The following GRM8 variants were observed in gnomAD, a reference collection of about 807,000 sequenced individuals.
GRM8 encodes the protein glutamate metabotropic receptor 8.
In GRM8, 47 loss-of-function variants were observed where a neutral mutation model predicts 87.2. That is an observed-to-expected ratio of 0.54 (90% CI 0.43 to 0.69). The LOEUF is 0.69. Ranked by LOEUF, GRM8 falls within the 30% of genes least tolerant of loss-of-function variation. The pLI is 0.00. For missense variants in GRM8, 1,019 were observed against 1,139.2 expected, an observed-to-expected ratio of 0.89 and a Z score of 1.52; for synonymous variants, 396 against 404.5, an observed-to-expected ratio of 0.98 and a Z score of 0.25.
chr7:126,877,106 T>A (rs1799588283), intron 6 of GRM8, among the ~76,000 whole-genome samples: 1 of 152,222 alleles, frequency 6.6e-6, no homozygotes, highest in South Asian at 2.1e-4. Context: ...CCCATTGGCT[T>A]CTAACTAACA....
At chr7:127,094,323 A>T (rs1824438518) in intron 3 of GRM8, among the ~76,000 whole-genome samples, 1 of 152,170 alleles carries the variant, frequency 6.6e-6, no homozygotes, top group South Asian at 2.1e-4. Flanking sequence ...ATGACTTGGG[A>T]GGCATGCAGA....
chr7:126,724,423 G>C (rs1563126777), intron 7 of GRM8, among the ~76,000 whole-genome samples: 1 of 152,134 alleles, frequency 6.6e-6, no homozygotes. Flanking sequence ...CTAGAGGATG[G>C]CCAAGTCACT....
intron 2 of GRM8, among the ~76,000 whole-genome samples, chr7:127,234,949 A>C (rs1563598950): frequency 6.6e-6 from 1 of 152,234 alleles, no homozygotes; most frequent in Non-Finnish European, 1.5e-5. Flanking sequence ...AGTGAAGTCC[A>C]TAAAATTTAA....
At chr7:127,223,443 GCACACACACA>G (rs61674303) in intron 2 of GRM8, among the ~76,000 whole-genome samples, 14,920 of 143,976 alleles carry the variant, frequency 0.1, 1,283 homozygotes, top group African/African-American at 0.23. Context: ...ACACACACAC[GCACACACACA>G]CACACACACA....
intron 3 of GRM8, among the ~76,000 whole-genome samples, chr7:126,941,619 CAAAA>C (rs548231122): frequency 9.3e-6 from 1 of 108,026 alleles, no homozygotes; most frequent in Admixed American, 9.7e-5. Context: ...GACTCTGTCT[CAAAA>C]AAAAAAAAAA....
intron 2 of GRM8, among the ~76,000 whole-genome samples, chr7:127,235,441 C>A (rs1190391566): frequency 6.6e-6 from 1 of 152,134 alleles, no homozygotes; most frequent in Non-Finnish European, 1.5e-5. Context: ...TCATCTGGCC[C>A]CTTTGTTGGT....
chr7:126,587,682 T>TGGGAG (rs1796277775), intron 8 of GRM8, among the ~76,000 whole-genome samples: 1 of 75,968 alleles, frequency 1.3e-5, no homozygotes, highest in African/African-American at 5.2e-5. Context: ...TGTCATGGGA[T>TGGGAG]GGGCGGGGGG....
At chr7:126,725,174 T>G (rs1156560237) in intron 7 of GRM8, among the ~76,000 whole-genome samples, 1 of 152,216 alleles carries the variant, frequency 6.6e-6, no homozygotes, top group Non-Finnish European at 1.5e-5. Flanking sequence ...CTAAGGGTAG[T>G]TTTATTATAC....
intron 3 of GRM8, among the ~76,000 whole-genome samples, chr7:126,945,512 C>T (rs1449350870): frequency 6.6e-6 from 1 of 152,000 alleles, no homozygotes. Flanking sequence ...AGTCAAAACA[C>T]AGTCGAAACT....
At chr7:126,841,910 G>A (rs879655454) in intron 6 of GRM8, among the ~76,000 whole-genome samples, 4 of 152,064 alleles carry the variant, frequency 2.6e-5, no homozygotes, top group African/African-American at 7.2e-5. Context: ...GGGATTACAG[G>A]CGTGAGCCAC....
At chr7:127,240,168 C>A (rs577997424) in intron 2 of GRM8, among the ~76,000 whole-genome samples, 14 of 152,184 alleles carry the variant, frequency 9.2e-5, no homozygotes, top group Non-Finnish European at 2.1e-4. Flanking sequence ...TGGGGTCCCT[C>A]CAGAATTACC....
At chr7:126,706,072 G>A (rs1810479352) in intron 7 of GRM8, among the ~76,000 whole-genome samples, 1 of 152,078 alleles carries the variant, frequency 6.6e-6, no homozygotes, top group African/African-American at 2.4e-5. Context: ...TAATTTTAAT[G>A]TCATGGAAAA....
rs1792483535 is a variant in GRM8, at chr7:126,550,573, CTCTT to C, written c.1495-16690_1495-16687del. ...CAACCACTTAGAAATTAAACAATAA[CTCTT>C]TCCAATTAGTCAGGTCAAAAGTGCA... On this transcript the variant is annotated intron_variant, in intron 8 of 10. Transcript: ENST00000339582. Among the ~76,000 whole-genome samples the C allele has an allele frequency of 2.0e-5, 3 of 151,990 alleles. No homozygotes were observed. In the South Asian group the frequency reaches 6.2e-4, roughly 32 times the overall value.
intron 8 of GRM8, among the ~76,000 whole-genome samples, chr7:126,543,434 T>G (rs1318072403): frequency 6.6e-6 from 1 of 152,184 alleles, no homozygotes; most frequent in Non-Finnish European, 1.5e-5. Flanking sequence ...TTTATTTTCC[T>G]AAGAAGAGTA....
intron 3 of GRM8, among the ~76,000 whole-genome samples, chr7:127,041,444 C>G (rs1043124045): frequency 6.6e-6 from 1 of 152,204 alleles, no homozygotes; most frequent in Non-Finnish European, 1.5e-5. Flanking sequence ...TTTCCATTCA[C>G]TCATTAATTA....
intron 3 of GRM8, among the ~76,000 whole-genome samples, chr7:126,930,092 AT>A (rs1805604371): frequency 6.6e-6 from 1 of 152,182 alleles, no homozygotes; most frequent in Non-Finnish European, 1.5e-5. Context: ...ACCAATTAGA[AT>A]GTGATTCTCA....
chr7:126,649,251 C>A lies in GRM8; in HGVS notation c.1358-39753G>T, dbSNP rs1803519343. On this transcript the variant is annotated intron_variant, in intron 7 of 10. Coordinates refer to ENST00000339582, the MANE Select transcript of GRM8 (RefSeq NM_000845.3). ...TTGCCAAAGGAGATTAACATTGAAT[C>A]AGTGGGCTGTGAAAGGCAGACCCAC... is the stretch of plus-strand genomic sequence containing the variant. Among the ~76,000 whole-genome samples the A allele has an allele frequency of 2.6e-5, 4 of 152,286 alleles. No individual in the cohort carries two copies. The South Asian group carries it at 6.2e-4, about 24-fold the overall frequency.
chr7:126,621,707 T>A (rs568193605), intron 7 of GRM8, among the ~76,000 whole-genome samples: 1 of 150,732 alleles, frequency 6.6e-6, no homozygotes, highest in Admixed American at 6.6e-5. Flanking sequence ...GTGTGAGACA[T>A]CATGCCTGGC....
intron 7 of GRM8, among the ~76,000 whole-genome samples, chr7:126,755,110 T>C (rs1313960507): frequency 6.6e-6 from 1 of 151,984 alleles, no homozygotes; most frequent in Non-Finnish European, 1.5e-5. Context: ...AAAAAGAAAG[T>C]ATTATGCATA....
Sources: gnomAD v4.1 joint callset for allele counts (sites outside exome capture counted in the v4.1 genomes callset) on GRCh38, gnomAD v4.1.1 for gene constraint, MANE v1.5 for transcripts, NCBI Gene and HGNC (gene_info 2026-07-23, HGNC 2026-07-21) for gene names.